CCSER1: variants seen among roughly 807,000 people sequenced by gnomAD.
The protein encoded by CCSER1 is coiled-coil serine rich protein 1, also known as serine-rich coiled-coil domain-containing protein 1.
In CCSER1, 41 loss-of-function variants were observed where a neutral mutation model predicts 82.0. That is an observed-to-expected ratio of 0.50 (90% CI 0.39 to 0.65). The LOEUF is 0.65. Ranked by LOEUF, CCSER1 falls within the 30% of genes least tolerant of loss-of-function variation. CCSER1 has a pLI of 0.00. For synonymous variants in CCSER1, 414 were observed against 383.9 expected (o/e 1.08, Z -0.92); for missense variants, 1,119 against 1,064.2 (o/e 1.05, Z -0.72).
intron 10 of CCSER1, among the ~76,000 whole-genome samples, chr4:91,232,787 C>T (rs537088073): frequency 2.0e-5 from 3 of 151,622 alleles, no homozygotes; most frequent in Non-Finnish European, 4.4e-5. Flanking sequence ...TATCTGAGCA[C>T]TTGTCCTTTT....
In CCSER1 at chr4:91,275,140, G is replaced by A. The variant is rs939216385; in HGVS notation, c.2217+189146G>A. On this transcript the variant is annotated intron_variant, in intron 10 of 10. Coordinates refer to ENST00000509176, the MANE Select transcript of CCSER1 (RefSeq NM_001145065.2). ...AAGAAACACTAATTTATTTTCCTCT[G>A]CCTAAGTGCCCAGTAGGGGATTGCT... is the stretch of plus-strand genomic sequence containing the variant. Among the ~76,000 whole-genome samples the A allele has an allele frequency of 2.9e-4, 44 of 151,634 alleles. 2 individuals are homozygous for A. The highest frequency in any genetic ancestry group is 2.9e-3 in the Admixed American group (44 of 15,206).
intron 10 of CCSER1, among the ~76,000 whole-genome samples, chr4:91,216,388 C>T (rs1418044197): frequency 6.6e-6 from 1 of 152,164 alleles, no homozygotes; most frequent in Non-Finnish European, 1.5e-5. Flanking sequence ...GGCACGATCT[C>T]GGCTCACTGC....
At chr4:90,510,632 C>T (rs911001717) in intron 5 of CCSER1, among the ~76,000 whole-genome samples, 5 of 152,156 alleles carry the variant, frequency 3.3e-5, no homozygotes, top group Non-Finnish European at 7.3e-5. Context: ...CCTATTGCAA[C>T]AATGAGGAGA....
At chr4:90,697,751 G>C (rs1049037751) in intron 6 of CCSER1, among the ~76,000 whole-genome samples, 1 of 152,078 alleles carries the variant, frequency 6.6e-6, no homozygotes, top group Non-Finnish European at 1.5e-5. Flanking sequence ...GAGAACAATT[G>C]ATTTGCAGGT....
chr4:91,170,455 TTTGTTACTAAAATGAGAAACATCATGAA>T (rs1305136695), intron 10 of CCSER1, among the ~76,000 whole-genome samples: 1 of 151,720 alleles, frequency 6.6e-6, no homozygotes, highest in Non-Finnish European at 1.5e-5. Context: ...GACTGTGTTA[TTTGTTACTAAAATGAGAAACATCATGAA>T]TAACCTCTCA....
intron 3 of CCSER1, among the ~76,000 whole-genome samples, chr4:90,371,781 T>A (rs1747469982): frequency 1.3e-5 from 2 of 152,166 alleles, no homozygotes; most frequent in Non-Finnish European, 2.9e-5. Flanking sequence ...AAGAATTTCC[T>A]TGCTAATAAT....
Position 91,475,615 on chromosome 4 carries a change from G to C in CCSER1, c.2218-122957G>C, listed in dbSNP as rs140869174. Among the ~76,000 whole-genome samples the C allele has an allele frequency of 1.3e-4, 19 of 151,944 alleles. 1 individual carries two copies. The highest frequency in any genetic ancestry group is 4.1e-4 in the African/African-American group (17 of 41,534). On this transcript the variant is annotated intron_variant, in intron 10 of 10. Coordinates refer to ENST00000509176, the MANE Select transcript of CCSER1 (RefSeq NM_001145065.2). ...CCTTTTCTTTCTCTTCTGATTAATA[G>C]AGGAGTCTACTACCTCAAACATTTA...
intron 9 of CCSER1, among the ~76,000 whole-genome samples, chr4:91,001,229 G>T (rs895737057): frequency 5.9e-5 from 9 of 152,092 alleles, no homozygotes; most frequent in Non-Finnish European, 5.9e-5. Context: ...TGCATATATT[G>T]AACCAACCTT....
At chr4:90,227,488 A>C (rs1323523939) in intron 1 of CCSER1, among the ~76,000 whole-genome samples, 2 of 152,246 alleles carry the variant, frequency 1.3e-5, no homozygotes, top group Non-Finnish European at 2.9e-5. Context: ...CAAAAGGTGG[A>C]TATACATCAG....
At chr4:90,665,360 C>A (rs540994576) in intron 6 of CCSER1, among the ~76,000 whole-genome samples, 2 of 149,010 alleles carry the variant, frequency 1.3e-5, no homozygotes, top group Non-Finnish European at 3.0e-5. Flanking sequence ...GTCTTGCTGT[C>A]GCCCAGGCTG....
chr4:90,245,217 C>T (rs1164103202), intron 1 of CCSER1, among the ~76,000 whole-genome samples: 3 of 152,258 alleles, frequency 2.0e-5, no homozygotes, highest in Non-Finnish European at 4.4e-5. Flanking sequence ...TTTTAAACAT[C>T]ATGAAAGGCC....
chr4:90,912,167 G>A (rs949904921), intron 8 of CCSER1, among the ~76,000 whole-genome samples: 6 of 152,180 alleles, frequency 3.9e-5, no homozygotes, highest in African/African-American at 9.7e-5. Flanking sequence ...ATCTGAGAAC[G>A]GACAGACTGC....
At chr4:90,223,635 A>G (rs1470721795) in intron 1 of CCSER1, among the ~76,000 whole-genome samples, 2 of 152,200 alleles carry the variant, frequency 1.3e-5, no homozygotes, top group African/African-American at 4.8e-5. Context: ...CCTTATCTTG[A>G]GCCTACTTTA....
intron 4 of CCSER1, among the ~76,000 whole-genome samples, chr4:90,435,439 C>T (rs1229180249): frequency 2.6e-5 from 4 of 152,100 alleles, no homozygotes; most frequent in Admixed American, 2.6e-4. Context: ...CTATGATTAT[C>T]ATGTACTGAG....
chr4:91,399,519 TG>T (rs1752194840), intron 10 of CCSER1, among the ~76,000 whole-genome samples: 1 of 151,990 alleles, frequency 6.6e-6, no homozygotes, highest in Non-Finnish European at 1.5e-5. Context: ...CTCTAACCAC[TG>T]AACAGGGATT....
chr4:90,448,045 C>A (rs1760898060), intron 4 of CCSER1, among the ~76,000 whole-genome samples: 1 of 151,982 alleles, frequency 6.6e-6, no homozygotes, highest in African/African-American at 2.4e-5. Context: ...GTTAAACCAC[C>A]CTTCCCCTGA....
At chr4:91,230,721 G>A (rs1738562309) in intron 10 of CCSER1, among the ~76,000 whole-genome samples, 1 of 151,748 alleles carries the variant, frequency 6.6e-6, no homozygotes, top group Non-Finnish European at 1.5e-5. Context: ...TTAAAATATA[G>A]ATTTAAGATC....
intron 5 of CCSER1, among the ~76,000 whole-genome samples, chr4:90,491,613 G>A (rs1197366743): frequency 4.0e-5 from 6 of 151,880 alleles, no homozygotes; most frequent in Admixed American, 3.9e-4. Context: ...AAGGGAGTAG[G>A]TCCAGTTTTT....
intron 10 of CCSER1, among the ~76,000 whole-genome samples, chr4:91,458,480 G>A (rs557881233): frequency 1.4e-4 from 22 of 152,130 alleles, no homozygotes; most frequent in African/African-American, 5.3e-4. Flanking sequence ...TGTTCTTTTT[G>A]CTCAGGATTC....
Sources: gnomAD v4.1 joint callset for allele counts (sites outside exome capture counted in the v4.1 genomes callset) on GRCh38, gnomAD v4.1.1 for gene constraint, MANE v1.5 for transcripts, NCBI Gene and HGNC (gene_info 2026-07-23, HGNC 2026-07-21) for gene names.